The following DBF4B variants were observed in gnomAD, a reference collection of about 807,000 sequenced individuals.
DBF4B encodes the protein DBF4B-CDC7 kinase regulatory subunit.
Under a neutral mutation model 53.4 loss-of-function variants are expected in DBF4B, and 49 were observed. That is an observed-to-expected ratio of 0.92 (90% CI 0.73 to 1.16). DBF4B has a LOEUF of 1.16. Among genes scored for constraint, DBF4B ranks in the 50% most tolerant of loss-of-function variants. DBF4B has a pLI of 0.00. For missense variants in DBF4B, 692 were observed against 775.0 expected (o/e 0.89, Z 1.27); for synonymous variants, 257 against 288.7 (o/e 0.89, Z 1.11).
intron 2 of DBF4B, 33 bp from the exon 3 acceptor site, chr17:44,722,847 C>T (rs201402472): frequency 3.7e-6 from 6 of 1,611,064 alleles, no homozygotes; most frequent in Admixed American, 1.7e-5. Flanking sequence ...TCTTTTCAAA[C>T]TTCTTACTTT....
At chr17:44,733,164 CAA>C (rs34958647) in intron 6 of DBF4B, among the ~76,000 whole-genome samples, 4 of 104,958 alleles carry the variant, frequency 3.8e-5, no homozygotes, top group Admixed American at 1.1e-4. Context: ...GACTCCGTCT[CAA>C]AAAAAAAAAA....
At chr17:44,744,133 C>T (rs960092183) in intron 10 of DBF4B, among the ~76,000 whole-genome samples, 15 of 125,436 alleles carry the variant, frequency 1.2e-4, no homozygotes, top group Middle Eastern at 8.5e-3. Flanking sequence ...AAAATCTGGC[C>T]AGACACAGTG....
At position 44,751,729 on chromosome 17, in the gene DBF4B, TC is replaced by T; in HGVS notation, c.*478del. ...TCTTCACCTCCTTCCCTTCCACACT[TC>T]CTTCCTGGGTAGCTCTGCCTGAAGC... On this transcript the variant is annotated 3_prime_UTR_variant, in exon 14 of 14. Transcript: ENST00000315005. 6.9e-7 allele frequency: 1 copy of T among 1,449,012 alleles called. No homozygotes were observed. The highest frequency in any genetic ancestry group is 9.1e-7 in the Non-Finnish European group (1 of 1,102,360). The allele number at this position is 1,449,012 out of a possible 1,614,324, so 89.8% of individuals were successfully genotyped here.
chr17:44,729,798 T>C, intron 3 of DBF4B, 107 bp from the exon 4 acceptor site: 3 of 1,210,660 alleles, frequency 2.5e-6, no homozygotes. Context: ...TTTAAAGACA[T>C]TGATTCTGGA....
At position 44,751,284 on chromosome 17, in the gene DBF4B, C is replaced by T. The variant is rs1172480137; in HGVS notation, c.*31C>T. 6.3e-7 allele frequency: 1 copy of T among 1,594,632 alleles called. No individual in the cohort carries two copies. Among genetic ancestry groups the T allele is most frequent in the Non-Finnish European group, 8.5e-7 (1 of 1,170,058 alleles). ...AACCCAGAACACCTGAGACTTGACCCAGGATGGATGGGTGCTGCTTGATGT... is the reference window on the plus strand; with the variant it reads ...AACCCAGAACACCTGAGACTTGACCTAGGATGGATGGGTGCTGCTTGATGT... On this transcript the variant is annotated 3_prime_UTR_variant, in exon 14 of 14. Transcript: ENST00000315005.
chr17:44,740,762 C>A (rs143997065), intron 9 of DBF4B, among the ~76,000 whole-genome samples: 96 of 152,316 alleles, frequency 6.3e-4, no homozygotes, highest in African/African-American at 2.2e-3. Context: ...TCTTGGGCTT[C>A]ATTTCCTTAG....
chr17:44,731,215 A>G, intron 5 of DBF4B, 200 bp downstream of exon 5: 1 of 570,094 alleles, frequency 1.8e-6, no homozygotes, highest in South Asian at 1.9e-5. Context: ...GTAAGTGTTG[A>G]AGCCAGAGCC....
chr17:44,737,556 C>A (rs938860995), intron 8 of DBF4B, among the ~76,000 whole-genome samples: 58 of 152,270 alleles, frequency 3.8e-4, no homozygotes, highest in African/African-American at 1.3e-3. Context: ...CTGGTGGCCT[C>A]AAGTACAGTT....
At chr17:44,729,700 ACACACACACACACACACACACACACACC>A (rs1382464936) in intron 3 of DBF4B, among the ~76,000 whole-genome samples, 177 bp from the exon 4 acceptor site, 5 of 149,938 alleles carry the variant, frequency 3.3e-5, no homozygotes, top group African/African-American at 1.3e-4. Context: ...ACACACACAC[ACACACACACACACACACACACACACACC>A]CCATTAGATT....
Position 44,730,109 on chromosome 17 carries a change from T to C in DBF4B, c.417+13T>C, listed in dbSNP as rs374859086. 9.9e-6 allele frequency: 16 copies of C among 1,611,618 alleles called. No individual in the cohort carries two copies. The African/African-American group carries it at 1.7e-4, about 17-fold the overall frequency. ...ACCCGTTGACTCGGTAAGAACCTCA[T>C]GTAGGAAAGGTATGCTGTGTAAACA... On this transcript the variant is annotated intron_variant, in intron 4 of 13. Coordinates refer to ENST00000315005, the MANE Select transcript of DBF4B (RefSeq NM_145663.3).
intron 13 of DBF4B, 129 bp from the exon 14 acceptor site, chr17:44,750,466 C>G (rs1162069260): frequency 1.4e-5 from 21 of 1,458,876 alleles, no homozygotes; most frequent in Non-Finnish European, 1.9e-5. Flanking sequence ...CCTTAGAGGT[C>G]ATGTTACCCC....
Position 44,749,572 on chromosome 17 carries a change from A to T in DBF4B, c.1190-1023A>T. On this transcript the variant is annotated intron_variant, in intron 13 of 13. Coordinates refer to ENST00000315005, the MANE Select transcript of DBF4B (RefSeq NM_145663.3). The surrounding 1 kb of genome is among the most constrained non-coding windows in gnomAD (Gnocchi z 4.4). The stretch of plus-strand genomic sequence containing the variant: ...CCACTGGCCAGGTCTTTGGGAGAGA[A>T]TCTGGGCTGGGGGCTGCCCTCTCCT... The T allele has an allele frequency of 6.6e-6, 8 of 1,204,488 alleles. No individual in the cohort carries two copies. The highest frequency in any genetic ancestry group is 8.4e-6 in the Non-Finnish European group (8 of 948,608). The allele number at this position is 1,204,488 out of a possible 1,614,324, so 74.6% of individuals were successfully genotyped here.
At chr17:44,714,079 C>T (rs562812349) in intron 2 of DBF4B, among the ~76,000 whole-genome samples, 1 of 152,164 alleles carries the variant, frequency 6.6e-6, no homozygotes, top group African/African-American at 2.4e-5. Flanking sequence ...GAATGGAAAA[C>T]CAAATACCAT....
rs377557325 is a variant in DBF4B, at chr17:44,722,945, G to A, written c.148G>A (p.Gly50Arg). ...SPGARKHPFS[G>R]KSFYLDLPAG... ...AGGTGCCAGGAAGCATCCCTTTTCC[G>A]GAAAGTCCTTTTACTTGGATCTGCC... is the stretch of plus-strand genomic sequence containing the variant. The change falls in exon 3 of 14, where the codon GGA becomes AGA. Residue 50 changes from glycine to arginine, a missense_variant. By Grantham distance (125) the Gly-to-Arg change is moderately radical. Transcript: ENST00000315005. 7.4e-6 allele frequency: 12 copies of A among 1,614,136 alleles called. No homozygotes were observed. Among genetic ancestry groups the A allele is most frequent in the Middle Eastern group, 1.6e-4 (1 of 6,062 alleles).
chr17:44,748,585 T>G, intron 13 of DBF4B, 120 bp downstream of exon 13: 1 of 1,543,666 alleles, frequency 6.5e-7, no homozygotes, highest in South Asian at 1.2e-5. Flanking sequence ...AGTTGATGTG[T>G]TTGTGGACCC....
rs201168047 is a variant in DBF4B, at chr17:44,741,342, T to G, written c.720T>G (p.Phe240Leu). The G allele has an allele frequency of 1.4e-4, 222 of 1,611,820 alleles. 1 individual carries two copies. The highest frequency in any genetic ancestry group is 2.5e-4 in the Admixed American group (15 of 59,978). The change falls in exon 10 of 14, where the codon TTT becomes TTG. Residue 240 changes from phenylalanine (F) to leucine (L), a missense_variant. Physicochemically the swap from Phe to Leu is conservative, Grantham distance 22 (BLOSUM62 0). Coordinates refer to ENST00000315005, the MANE Select transcript of DBF4B (RefSeq NM_145663.3). ...GAAGTTTTCTCTGTTGCAGGAAGTT[T>G]CGTCCTTTCCATCATCAGTTTAAAT... ...FLKIEDESRK[F>L]RPFHHQFKSF...
intron 12 of DBF4B, among the ~76,000 whole-genome samples, chr17:44,748,044 T>G (rs890117828): frequency 6.6e-6 from 1 of 152,208 alleles, no homozygotes; most frequent in Admixed American, 6.5e-5. Context: ...ACTGCGCTGC[T>G]TTCTTCAGCT....
At chr17:44,729,866 G>T in intron 3 of DBF4B, 39 bp from the exon 4 acceptor site, 1 of 1,599,496 alleles carries the variant, frequency 6.3e-7, no homozygotes, top group South Asian at 1.1e-5. Flanking sequence ...TTCTGCATTT[G>T]CTTTTTGGTT....
chr17:44,735,068 C>G (rs368692352), intron 7 of DBF4B, among the ~76,000 whole-genome samples: 1 of 152,088 alleles, frequency 6.6e-6, no homozygotes, highest in African/African-American at 2.4e-5. Flanking sequence ...CCACTGCACT[C>G]CAGCCTAGGC....
Sources: gnomAD v4.1 joint callset for allele counts (sites outside exome capture counted in the v4.1 genomes callset) on GRCh38, gnomAD v4.1.1 for gene constraint, Gnocchi (gnomAD v3.1) non-coding constraint, MANE v1.5 for transcripts, NCBI Gene and HGNC (gene_info 2026-07-23, HGNC 2026-07-21) for gene names.